SEMA5A: variants seen among roughly 807,000 people sequenced by gnomAD.
The protein encoded by SEMA5A is semaphorin 5A, also known as semaphorin-5A.
SEMA5A carries 55 observed loss-of-function variants against 135.5 expected under a neutral mutation model. The ratio of observed to expected loss-of-function variants is 0.41; its 90% CI spans 0.33 to 0.51. SEMA5A has a LOEUF of 0.51. Among genes scored for constraint, SEMA5A ranks in the 20% least tolerant of loss-of-function variants. SEMA5A has a pLI of 0.37. For missense variants in SEMA5A, 1,290 were observed against 1,419.9 expected, an observed-to-expected ratio of 0.91 and a Z score of 1.47; for synonymous variants, 580 against 546.5, an observed-to-expected ratio of 1.06 and a Z score of -0.85.
intron 1 of SEMA5A, among the ~76,000 whole-genome samples, chr5:9,465,721 C>G (rs1759232130): frequency 6.6e-6 from 1 of 152,236 alleles, no homozygotes. Flanking sequence ...TTGGTATCCA[C>G]AGGTTCTTGG....
At chr5:9,093,791 C>T (rs1375060081) in intron 16 of SEMA5A, among the ~76,000 whole-genome samples, 1 of 152,202 alleles carries the variant, frequency 6.6e-6, no homozygotes, top group African/African-American at 2.4e-5. Flanking sequence ...ACTCACTTTC[C>T]AGATCTGTCC....
In SEMA5A at chr5:9,353,973, T is replaced by TAA. The variant is rs56154322; in HGVS notation, c.125-16163_125-16162dup. ...CTTTAAAAAAAGAAAAAGCACGTGT[T>TAA]AAAAAAAAAAAAAAAGAAACAAAAG... On this transcript the variant is annotated intron_variant, in intron 3 of 22. Coordinates refer to ENST00000382496, the MANE Select transcript of SEMA5A (RefSeq NM_003966.3). Among the ~76,000 whole-genome samples the TAA allele has an allele frequency of 1.7e-3, 242 of 139,230 alleles. 1 individual carries two copies. The highest frequency in any genetic ancestry group is 3.8e-3 in the Middle Eastern group (1 of 264). The allele number at this position is 139,230 out of a possible 152,430, so 91.3% of individuals were successfully genotyped here.
At chr5:9,384,675 T>TATAGATAGATAGATAG (rs1358325341) in intron 2 of SEMA5A, among the ~76,000 whole-genome samples, 8 of 64,166 alleles carry the variant, frequency 1.2e-4, no homozygotes, top group Admixed American at 1.6e-4. Context: ...GATAGATAGA[T>TATAGATAGATAGATAG]ATAGATAGAT....
chr5:9,370,701 G>T (rs1269477295), intron 3 of SEMA5A, among the ~76,000 whole-genome samples: 1 of 152,166 alleles, frequency 6.6e-6, no homozygotes, highest in Non-Finnish European at 1.5e-5. Flanking sequence ...CTGTTGTTTT[G>T]TTGGTAACAG....
intron 1 of SEMA5A, among the ~76,000 whole-genome samples, chr5:9,455,239 ATTTTAT>A (rs1194947246): frequency 2.7e-5 from 4 of 149,594 alleles, no homozygotes; most frequent in Non-Finnish European, 4.4e-5. Context: ...AATTTATTTT[ATTTTAT>A]TTTATTTATT....
chr5:9,371,155 A>G (rs1579429043), intron 3 of SEMA5A, among the ~76,000 whole-genome samples: 1 of 152,214 alleles, frequency 6.6e-6, no homozygotes, highest in Admixed American at 6.5e-5. Flanking sequence ...CCCTATTGAG[A>G]TAAATCAACC....
intron 1 of SEMA5A, among the ~76,000 whole-genome samples, chr5:9,532,780 T>A (rs1339740800): frequency 6.6e-6 from 1 of 152,190 alleles, no homozygotes; most frequent in Non-Finnish European, 1.5e-5. Flanking sequence ...AAGCCCTTTC[T>A]CCACCAGGCT....
intron 3 of SEMA5A, among the ~76,000 whole-genome samples, chr5:9,358,951 G>GC (rs1311717599): frequency 7.6e-6 from 1 of 131,354 alleles, no homozygotes; most frequent in African/African-American, 3.3e-5. Context: ...CACTGGTTCA[G>GC]ACCCTCTTGC....
At chr5:9,210,507 G>A (rs1746286269) in intron 8 of SEMA5A, among the ~76,000 whole-genome samples, 1 of 152,184 alleles carries the variant, frequency 6.6e-6, no homozygotes, top group African/African-American at 2.4e-5. Flanking sequence ...CTTTTCCAGA[G>A]TCCACATACC....
At chr5:9,192,150 C>A (rs1367679841) in intron 10 of SEMA5A, among the ~76,000 whole-genome samples, 1 of 152,150 alleles carries the variant, frequency 6.6e-6, no homozygotes, top group Non-Finnish European at 1.5e-5. Context: ...GTGAAGGGCT[C>A]AGCCCTGCCA....
At chr5:9,359,471 T>C (rs942852342) in intron 3 of SEMA5A, among the ~76,000 whole-genome samples, 7 of 152,192 alleles carry the variant, frequency 4.6e-5, no homozygotes, top group African/African-American at 7.2e-5. Context: ...TATAACATAA[T>C]GGCCAGAATA....
At chr5:9,399,605 TATG>T (rs1756559624) in intron 2 of SEMA5A, among the ~76,000 whole-genome samples, 1 of 152,178 alleles carries the variant, frequency 6.6e-6, no homozygotes, top group Non-Finnish European at 1.5e-5. Context: ...GGGTAAATTT[TATG>T]ATATGTGATT....
At chr5:9,503,735 C>T (rs895628293) in intron 1 of SEMA5A, among the ~76,000 whole-genome samples, 9 of 152,100 alleles carry the variant, frequency 5.9e-5, no homozygotes, top group African/African-American at 9.7e-5. Context: ...GTTCATTGCC[C>T]GCCACACTGG....
At chr5:9,172,325 G>A (rs991012841) in intron 11 of SEMA5A, among the ~76,000 whole-genome samples, 9 of 152,172 alleles carry the variant, frequency 5.9e-5, no homozygotes, top group Non-Finnish European at 8.8e-5. Flanking sequence ...TCCTTGTGAC[G>A]ATTGCCATTT....
intron 2 of SEMA5A, among the ~76,000 whole-genome samples, chr5:9,402,289 T>C (rs1275304757): frequency 6.6e-6 from 1 of 152,286 alleles, no homozygotes; most frequent in South Asian, 2.1e-4. Flanking sequence ...AAAAGTGGAG[T>C]GTCTCAACCT....
chr5:9,141,442 A>T (rs1742060694), intron 12 of SEMA5A, among the ~76,000 whole-genome samples: 1 of 152,192 alleles, frequency 6.6e-6, no homozygotes, highest in Non-Finnish European at 1.5e-5. Context: ...ATCAACATTC[A>T]ATTTTAAAAT....
chr5:9,319,013 T>G (rs529395212), intron 4 of SEMA5A, among the ~76,000 whole-genome samples: 1 of 152,018 alleles, frequency 6.6e-6, no homozygotes, highest in East Asian at 1.9e-4. Context: ...GCCAGGCTCC[T>G]GGGAACCATG....
intron 11 of SEMA5A, among the ~76,000 whole-genome samples, chr5:9,166,029 T>C (rs1419395219): frequency 6.6e-6 from 1 of 152,206 alleles, no homozygotes; most frequent in Non-Finnish European, 1.5e-5. Flanking sequence ...TTCACTCAGT[T>C]ACCAGATTCA....
At chr5:9,221,469 A>AT (rs1375930075) in intron 8 of SEMA5A, among the ~76,000 whole-genome samples, 2 of 149,094 alleles carry the variant, frequency 1.3e-5, no homozygotes, top group Admixed American at 6.7e-5. Context: ...CGCCCGGCTA[A>AT]TTTTTTCTAT....
Sources: gnomAD v4.1 joint callset for allele counts (sites outside exome capture counted in the v4.1 genomes callset) on GRCh38, gnomAD v4.1.1 for gene constraint, MANE v1.5 for transcripts, NCBI Gene and HGNC (gene_info 2026-07-23, HGNC 2026-07-21) for gene names.